Variants in CCDC171 observed in about 807,000 individuals in gnomAD.
CCDC171 encodes the protein coiled-coil domain-containing protein 171.
In CCDC171, 177 loss-of-function variants were observed where a neutral mutation model predicts 168.2. The observed-to-expected ratio is 1.05, with a 90% CI of 0.93 to 1.19. The LOEUF is 1.19. Among genes scored for constraint, CCDC171 ranks in the 50% most tolerant of loss-of-function variants. The pLI is 0.00. For missense variants in CCDC171, 1,991 were observed against 1,539.0 expected (o/e 1.29, Z -4.91); for synonymous variants, 687 against 540.8 (o/e 1.27, Z -3.75).
chr9:15,705,158 G>A (rs942897435), intron 11 of CCDC171, among the ~76,000 whole-genome samples: 3 of 151,564 alleles, frequency 2.0e-5, no homozygotes, highest in African/African-American at 7.3e-5. Flanking sequence ...GGTGATGGAC[G>A]TGTTAATTAA....
intron 18 of CCDC171, among the ~76,000 whole-genome samples, chr9:15,769,493 TC>T (rs1564373325): frequency 1.3e-5 from 2 of 152,238 alleles, no homozygotes; most frequent in African/African-American, 4.8e-5. Context: ...TTTTGACAGT[TC>T]CTTCAATTAT....
chr9:15,713,388 G>C (rs1428203068), intron 11 of CCDC171, among the ~76,000 whole-genome samples: 1 of 151,860 alleles, frequency 6.6e-6, no homozygotes, highest in Non-Finnish European at 1.5e-5. Context: ...TTAAGAGAGA[G>C]AAAGCAATGT....
Position 15,972,156 on chromosome 9 carries a change from A to T in CCDC171, c.*320A>T. On this transcript the variant is annotated 3_prime_UTR_variant, in exon 26 of 26. Transcript: ENST00000380701. Reference sequence around the variant, plus strand: ...AGCCATTTTAGTCTCTATCTATCAAAGTTGTTTCATACTTGTCTATTTTAA... The same window carrying T: ...AGCCATTTTAGTCTCTATCTATCAATGTTGTTTCATACTTGTCTATTTTAA... 1 of 288,242 alleles carries T rather than the reference A, an allele frequency of 3.5e-6. No homozygotes were observed. Among genetic ancestry groups the T allele is most frequent in the Non-Finnish European group, 6.5e-6 (1 of 154,738 alleles). 17.9% of individuals were successfully genotyped at this position (288,242 alleles called of 1,614,324 possible). A position where few individuals can be genotyped will look rare whatever the true frequency, so the allele number is the denominator to read the frequency against.
At chr9:15,650,167 C>T (rs940508579) in intron 7 of CCDC171, among the ~76,000 whole-genome samples, 2 of 152,134 alleles carry the variant, frequency 1.3e-5, no homozygotes, top group Non-Finnish European at 2.9e-5. Context: ...CCAAACACCG[C>T]ATGTTCTCAC....
chr9:15,910,118 A>G (rs1207174137), intron 24 of CCDC171, among the ~76,000 whole-genome samples: 1 of 152,010 alleles, frequency 6.6e-6, no homozygotes, highest in Non-Finnish European at 1.5e-5. Context: ...GTGGCTGCAT[A>G]AGACATGAGT....
chr9:15,630,240 A>G (rs1007677654), intron 7 of CCDC171, among the ~76,000 whole-genome samples: 2 of 152,224 alleles, frequency 1.3e-5, no homozygotes, highest in African/African-American at 2.4e-5. Context: ...GGCAAATTGG[A>G]TACAGTCAAG....
intron 18 of CCDC171, among the ~76,000 whole-genome samples, chr9:15,762,372 A>C (rs965591582): frequency 6.6e-6 from 1 of 152,318 alleles, no homozygotes; most frequent in South Asian, 2.1e-4. Context: ...CATAATATTC[A>C]TTAAAACCTA....
intron 24 of CCDC171, among the ~76,000 whole-genome samples, chr9:15,905,716 A>G (rs929167418): frequency 1.3e-5 from 2 of 152,228 alleles, no homozygotes; most frequent in African/African-American, 4.8e-5. Context: ...ACCCTTCAAA[A>G]AATCAATGAA....
intron 20 of CCDC171, among the ~76,000 whole-genome samples, chr9:15,780,400 A>C (rs1241153220): frequency 6.8e-6 from 1 of 147,036 alleles, no homozygotes; most frequent in Non-Finnish European, 1.5e-5. Flanking sequence ...AAGAAAGTTT[A>C]GACTGGGTAT....
intron 4 of CCDC171, among the ~76,000 whole-genome samples, chr9:15,581,441 A>G (rs938895150): frequency 8.5e-5 from 13 of 152,230 alleles, no homozygotes; most frequent in Admixed American, 4.6e-4. Flanking sequence ...TTTAAAGTTC[A>G]TATGGAACCA....
At chr9:15,938,987 C>T (rs1015984102) in intron 25 of CCDC171, among the ~76,000 whole-genome samples, 1 of 151,324 alleles carries the variant, frequency 6.6e-6, no homozygotes, top group African/African-American at 2.4e-5. Flanking sequence ...TGACTTATGA[C>T]TTAATTTTTC....
At chr9:15,824,692 C>G (rs1044189590) in intron 21 of CCDC171, among the ~76,000 whole-genome samples, 1 of 152,070 alleles carries the variant, frequency 6.6e-6, no homozygotes, top group Non-Finnish European at 1.5e-5. Flanking sequence ...CCTGCGAACT[C>G]TTTAAGAAAC....
intron 7 of CCDC171, among the ~76,000 whole-genome samples, chr9:15,626,273 A>G (rs1445148788): frequency 6.6e-6 from 1 of 152,120 alleles, no homozygotes; most frequent in African/African-American, 2.4e-5. Flanking sequence ...GGACAATTTG[A>G]CTTCCTCTTT....
At chr9:15,713,030 G>T (rs1040024254) in intron 11 of CCDC171, among the ~76,000 whole-genome samples, 38 of 152,168 alleles carry the variant, frequency 2.5e-4, no homozygotes, top group African/African-American at 9.2e-4. Flanking sequence ...TTCTTCCCCA[G>T]ACAACCTTGT....
At chr9:16,018,444 A>G (rs958413284) in intron 3 of CCDC171, among the ~76,000 whole-genome samples, 1 of 152,250 alleles carries the variant, frequency 6.6e-6, no homozygotes, top group South Asian at 2.1e-4. Context: ...TGTGTTTAAT[A>G]CAGCAGCATG....
chr9:15,838,136 A>G (rs1255681983), intron 21 of CCDC171, among the ~76,000 whole-genome samples: 1 of 152,238 alleles, frequency 6.6e-6, no homozygotes, highest in Non-Finnish European at 1.5e-5. Context: ...AATAGAAAAT[A>G]TATGGCTAGA....
intron 7 of CCDC171, 60 bp downstream of exon 7, chr9:15,623,473 G>GCTCACACACACACACACA: frequency 2.2e-6 from 1 of 464,172 alleles, no homozygotes; most frequent in Non-Finnish European, 3.6e-6. Context: ...ATGCGCGCGC[G>GCTCACACACACACACACA]CGCACACACA....
intron 6 of CCDC171, among the ~76,000 whole-genome samples, chr9:15,598,604 G>A (rs1427820979): frequency 6.6e-6 from 1 of 152,168 alleles, no homozygotes; most frequent in Non-Finnish European, 1.5e-5. Context: ...GTGGTGTGGT[G>A]CTGAAAAGAA....
chr9:16,018,605 C>G (rs1833089286), intron 3 of CCDC171, among the ~76,000 whole-genome samples: 1 of 152,194 alleles, frequency 6.6e-6, no homozygotes, highest in African/African-American at 2.4e-5. Flanking sequence ...TTACCCCTCA[C>G]TCACCTACTA....
Sources: allele counts gnomAD v4.1 joint callset (sites outside exome capture counted in the v4.1 genomes callset), GRCh38; gene constraint gnomAD v4.1.1; transcripts MANE v1.5; gene names NCBI Gene and HGNC (gene_info 2026-07-23, HGNC 2026-07-21).